Variants in GPRIN3 observed in about 807,000 individuals in gnomAD.
GPRIN3 encodes G protein-regulated inducer of neurite outgrowth 3.
In GPRIN3, 12 loss-of-function variants were observed where a neutral mutation model predicts 13.7. The ratio of observed to expected loss-of-function variants is 0.87; its 90% CI spans 0.56 to 1.42. The LOEUF is 1.42. GPRIN3 is among the 40% of genes most tolerant of loss of function. GPRIN3 has a pLI of 0.00. For synonymous variants in GPRIN3, 377 were observed against 372.7 expected (o/e 1.01, Z -0.13); for missense variants, 1,009 against 958.7 (o/e 1.05, Z -0.69).
In GPRIN3 at chr4:89,261,824, A is replaced by G. The variant is rs146529685; in HGVS notation, c.-123-11591T>C. Among the ~76,000 whole-genome samples the G allele has an allele frequency of 2.2e-3, 342 of 152,226 alleles. 6 individuals carry two copies. In the East Asian group the frequency reaches 0.032, roughly 14 times the overall value. ...TAACGAGGAAGCTCTTTAAGAATTGATATGGGGCTGGGTGAGGTGGCTCCA... is the reference window on the plus strand; with the variant it reads ...TAACGAGGAAGCTCTTTAAGAATTGGTATGGGGCTGGGTGAGGTGGCTCCA... On this transcript the variant is annotated intron_variant, in intron 1 of 1. Transcript: ENST00000609438.
chr4:89,293,948 A>T (rs1291748135), intron 1 of GPRIN3, among the ~76,000 whole-genome samples: 1 of 152,172 alleles, frequency 6.6e-6, no homozygotes, highest in Non-Finnish European at 1.5e-5. Context: ...CTTTTTTAAA[A>T]TTTATGATAT....
chr4:89,248,468 T>C lies in GPRIN3; in HGVS notation c.1643A>G (p.Glu548Gly). The C allele has an allele frequency of 6.2e-7, 1 of 1,612,978 alleles. No homozygotes were observed. Among genetic ancestry groups the C allele is most frequent in the Non-Finnish European group, 8.5e-7 (1 of 1,179,582 alleles). The change falls in exon 2 of 2, where the codon GAA (glutamate) becomes GGA (glycine). Residue 548 changes from glutamate to glycine, a missense_variant. Physicochemically the swap from Glu to Gly is moderately conservative, Grantham distance 98. Transcript: ENST00000609438. ...GGTATCAGTGCCAGTAGACTCTTTT[T>C]CTTTTACTACCTGAGGAGATGCAGG... ...KKPASPQVVKEKESTGTDTSD... is the reference protein window; with the variant it reads ...KKPASPQVVKGKESTGTDTSD...
chr4:89,299,348 A>T (rs2110024889), intron 1 of GPRIN3, among the ~76,000 whole-genome samples: 1 of 152,298 alleles, frequency 6.6e-6, no homozygotes, highest in Middle Eastern at 3.4e-3. Flanking sequence ...GGATGTTTTT[A>T]GAAATAAAGT....
chr4:89,304,061 C>T (rs1475715249), intron 1 of GPRIN3, among the ~76,000 whole-genome samples: 2 of 152,160 alleles, frequency 1.3e-5, no homozygotes, highest in Non-Finnish European at 2.9e-5. Context: ...CCTCACTGCA[C>T]ATCCAGGTCC....
chr4:89,279,336 C>G (rs1250154157), intron 1 of GPRIN3, among the ~76,000 whole-genome samples: 4 of 152,194 alleles, frequency 2.6e-5, no homozygotes, highest in Non-Finnish European at 5.9e-5. Context: ...CCGCGCCCTG[C>G]CACCATGGCC....
chr4:89,276,435 A>C (rs1046912951), intron 1 of GPRIN3, among the ~76,000 whole-genome samples: 1 of 152,134 alleles, frequency 6.6e-6, no homozygotes, highest in Non-Finnish European at 1.5e-5. Flanking sequence ...TATCACCTAG[A>C]TTTTGAATTT....
At position 89,307,602 on chromosome 4, in the gene GPRIN3, G is replaced by C. The variant is rs1725071371; in HGVS notation, c.-124+13C>G. ...TGGCCGCCAGGCGGAGGTGCGCAGG[G>C]GGCGTCTCCTACCTGCTCTGCCCGG... On this transcript the variant is annotated intron_variant, in intron 1 of 1. Transcript: ENST00000609438. 6.6e-6 allele frequency: 1 copy of C among 152,288 alleles called. No individual in the cohort carries two copies. Among genetic ancestry groups the C allele is most frequent in the Non-Finnish European group, 1.5e-5 (1 of 68,152 alleles). 9.4% of individuals were successfully genotyped at this position (152,288 alleles called of 1,614,324 possible).
chr4:89,264,798 G>A (rs1483260051), intron 1 of GPRIN3, among the ~76,000 whole-genome samples: 1 of 152,164 alleles, frequency 6.6e-6, no homozygotes, highest in East Asian at 1.9e-4. Flanking sequence ...AAGCCCAGCT[G>A]AAATTACTAT....
Position 89,247,698 on chromosome 4 carries a change from C to CA in GPRIN3, c.*81dup. 1.4e-6 allele frequency: 2 copies of CA among 1,423,812 alleles called. No individual in the cohort carries two copies. Among genetic ancestry groups the CA allele is most frequent in the Non-Finnish European group, 1.9e-6 (2 of 1,051,868 alleles). 88.2% of individuals were successfully genotyped at this position (1,423,812 alleles called of 1,614,324 possible). On this transcript the variant is annotated 3_prime_UTR_variant, in exon 2 of 2. Transcript: ENST00000609438. Reference sequence around the variant, plus strand: ...TTGCTTTTTCTTCCTAGTCTTGCAGCAAAAAACTAAGCAAGCTTTGACATA... The same window carrying CA: ...TTGCTTTTTCTTCCTAGTCTTGCAGCAAAAAAACTAAGCAAGCTTTGACATA...
At chr4:89,296,919 A>C (rs1226193955) in intron 1 of GPRIN3, among the ~76,000 whole-genome samples, 1 of 152,196 alleles carries the variant, frequency 6.6e-6, no homozygotes, top group Non-Finnish European at 1.5e-5. Flanking sequence ...TTTGCTTTTT[A>C]AGCAACACAA....
At chr4:89,263,997 C>T (rs1723715798) in intron 1 of GPRIN3, among the ~76,000 whole-genome samples, 1 of 152,094 alleles carries the variant, frequency 6.6e-6, no homozygotes, top group Non-Finnish European at 1.5e-5. Flanking sequence ...CTGATAACAC[C>T]AAACAGTAGC....
chr4:89,290,581 G>A (rs1270835625), intron 1 of GPRIN3, among the ~76,000 whole-genome samples: 1 of 152,056 alleles, frequency 6.6e-6, no homozygotes, highest in Non-Finnish European at 1.5e-5. Flanking sequence ...AGGAAGTGAG[G>A]ACTTTCTCTT....
chr4:89,283,189 C>T (rs1194596739), intron 1 of GPRIN3, among the ~76,000 whole-genome samples: 1 of 152,130 alleles, frequency 6.6e-6, no homozygotes, highest in Non-Finnish European at 1.5e-5. Flanking sequence ...GAACAATAGG[C>T]CTATGTAGCA....
Position 89,248,612 on chromosome 4 carries a change from G to C in GPRIN3, c.1499C>G (p.Thr500Arg). Reference protein sequence around the residue: ...TRPSEFAEKTTNGHKTDPDCK... With the variant: ...TRPSEFAEKTRNGHKTDPDCK... ...ATCTGGGTCTGTTTTGTGGCCGTTT[G>C]TCGTTTTCTCTGCAAACTCAGATGG... Residue 500 changes from threonine to arginine, a missense_variant, in exon 2 of 2, where the codon ACA (threonine) becomes AGA (arginine). Physicochemically the swap from Thr to Arg is moderately conservative, Grantham distance 71 (BLOSUM62 -1). Coordinates refer to ENST00000609438, the MANE Select transcript of GPRIN3 (RefSeq NM_198281.3). 1 of 1,614,120 alleles carries C rather than the reference G, an allele frequency of 6.2e-7. No homozygotes were observed. Among genetic ancestry groups the C allele is most frequent in the Non-Finnish European group, 8.5e-7 (1 of 1,179,944 alleles).
intron 1 of GPRIN3, among the ~76,000 whole-genome samples, chr4:89,264,113 G>A (rs927170583): frequency 4.6e-5 from 7 of 152,104 alleles, no homozygotes; most frequent in African/African-American, 1.4e-4. Context: ...TCCAAAACTC[G>A]TGTTGAAATT....
chr4:89,280,600 C>T (rs1389465718), intron 1 of GPRIN3, among the ~76,000 whole-genome samples: 1 of 152,152 alleles, frequency 6.6e-6, no homozygotes, highest in African/African-American at 2.4e-5. Flanking sequence ...TGGACACTGT[C>T]CCCTAAAATT....
At chr4:89,297,668 C>G (rs1724778207) in intron 1 of GPRIN3, among the ~76,000 whole-genome samples, 1 of 152,168 alleles carries the variant, frequency 6.6e-6, no homozygotes, top group Admixed American at 6.5e-5. Context: ...GGTTGAAGCC[C>G]TGGAGAGGGA....
intron 1 of GPRIN3, among the ~76,000 whole-genome samples, chr4:89,288,108 C>A (rs1044531654): frequency 1.3e-5 from 2 of 152,168 alleles, no homozygotes; most frequent in African/African-American, 4.8e-5. Context: ...TTGCTCCTGG[C>A]ATTGGATAGT....
intron 1 of GPRIN3, among the ~76,000 whole-genome samples, chr4:89,275,563 G>A (rs535709470): frequency 4.6e-5 from 7 of 152,224 alleles, no homozygotes; most frequent in African/African-American, 7.2e-5. Flanking sequence ...CCTGACAGTC[G>A]GGTAAGATCT....
Sources: allele counts gnomAD v4.1 joint callset (sites outside exome capture counted in the v4.1 genomes callset), GRCh38; gene constraint gnomAD v4.1.1; transcripts MANE v1.5; gene names NCBI Gene and HGNC (gene_info 2026-07-23, HGNC 2026-07-21).